The following RPS6KA2 variants were observed in gnomAD, a reference collection of about 807,000 sequenced individuals.
RPS6KA2 encodes the protein ribosomal protein S6 kinase alpha-2.
RPS6KA2 carries 42 observed loss-of-function variants against 91.8 expected under a neutral mutation model. The observed-to-expected ratio is 0.46, with a 90% CI of 0.36 to 0.59. RPS6KA2 has a LOEUF of 0.59. Among genes scored for constraint, RPS6KA2 ranks in the 20% least tolerant of loss-of-function variants. RPS6KA2 has a pLI of 0.00. For missense variants in RPS6KA2, 798 were observed against 978.5 expected (o/e 0.82, Z 2.46); for synonymous variants, 414 against 393.6 (o/e 1.05, Z -0.61).
chr6:166,763,763 C>T (rs1210268898), intron 2 of RPS6KA2, among the ~76,000 whole-genome samples: 2 of 152,152 alleles, frequency 1.3e-5, no homozygotes, highest in African/African-American at 4.8e-5. Context: ...CTTGTTAGTT[C>T]GCTGTTACAG....
intron 2 of RPS6KA2, among the ~76,000 whole-genome samples, chr6:166,812,769 T>A (rs1170772728): frequency 7.9e-5 from 12 of 152,208 alleles, no homozygotes; most frequent in Admixed American, 7.8e-4. Context: ...CATGAGAAGA[T>A]CAATTTAGCA....
intron 1 of RPS6KA2, among the ~76,000 whole-genome samples, chr6:166,581,570 C>T (rs1484585454): frequency 1.3e-5 from 2 of 152,134 alleles, no homozygotes; most frequent in Non-Finnish European, 2.9e-5. Context: ...AGGCCGGCTT[C>T]GAGTATGCGG....
intron 2 of RPS6KA2, among the ~76,000 whole-genome samples, chr6:166,716,273 T>C (rs923610528): frequency 3.9e-5 from 6 of 152,018 alleles, no homozygotes; most frequent in Non-Finnish European, 8.8e-5. Context: ...ATATTGAACA[T>C]GGAAATAAAT....
intron 2 of RPS6KA2, among the ~76,000 whole-genome samples, chr6:166,661,315 G>T (rs527972379): frequency 2.6e-5 from 4 of 152,252 alleles, no homozygotes; most frequent in Admixed American, 6.5e-5. Flanking sequence ...GGCCAGGCTG[G>T]TCTCAAACTC....
chr6:166,449,139 G>C (rs996619126), intron 13 of RPS6KA2, among the ~76,000 whole-genome samples: 3 of 152,202 alleles, frequency 2.0e-5, no homozygotes, highest in African/African-American at 7.2e-5. Flanking sequence ...GAGAGCAGGA[G>C]AATGTGAAAG....
upstream of RPS6KA2, chr6:166,862,741 AGCACGC>A (rs1781084048): frequency 2.2e-5 from 1 of 44,566 alleles, no homozygotes; most frequent in South Asian, 5.5e-4. Context: ...CCCCACCCCC[AGCACGC>A]GCACACCCTT....
intron 2 of RPS6KA2, among the ~76,000 whole-genome samples, chr6:166,740,958 C>A (rs1790794015): frequency 6.6e-6 from 1 of 152,204 alleles, no homozygotes; most frequent in Admixed American, 6.5e-5. Context: ...TTGGCAGTAC[C>A]AACTGGAAAT....
Position 166,585,987 on chromosome 6 carries a change from T to A in RPS6KA2, c.99+40934A>T, listed in dbSNP as rs1338808458. The A allele has an allele frequency of 2.5e-5, 12 of 473,750 alleles. 1 individual carries two copies. The African/African-American group carries it at 4.6e-4, about 18-fold the overall frequency. The allele number at this position is 473,750 out of a possible 1,614,324, so 29.3% of individuals were successfully genotyped here. A position where few individuals can be genotyped will look rare whatever the true frequency, so the allele number is the denominator to read the frequency against. Reference sequence around the variant, plus strand: ...TTTCGCAAGTAAGATCTATTTTTTTTAAAGTCTCAACTTCCAAAAAATCAA... The same window carrying A: ...TTTCGCAAGTAAGATCTATTTTTTTAAAAGTCTCAACTTCCAAAAAATCAA... On this transcript the variant is annotated intron_variant, in intron 1 of 20. Coordinates refer to ENST00000265678, the MANE Select transcript of RPS6KA2 (RefSeq NM_021135.6).
chr6:166,443,207 A>G (rs1779573778), intron 14 of RPS6KA2, among the ~76,000 whole-genome samples: 4 of 152,190 alleles, frequency 2.6e-5, no homozygotes, highest in Admixed American at 2.6e-4. Context: ...ATGGGACTGT[A>G]TTTATGGATA....
intron 2 of RPS6KA2, among the ~76,000 whole-genome samples, chr6:166,672,610 A>C (rs925177108): frequency 2.0e-5 from 3 of 152,224 alleles, no homozygotes; most frequent in African/African-American, 7.2e-5. Flanking sequence ...CAAAATAGTA[A>C]GAAAAAAATG....
chr6:166,787,975 CAA>C (rs3066794), intron 2 of RPS6KA2, among the ~76,000 whole-genome samples: 5,518 of 78,876 alleles, frequency 0.07, 357 homozygotes, highest in African/African-American at 0.22. Flanking sequence ...AACAAATTTA[CAA>C]AAAAAAAAAA....
intron 6 of RPS6KA2, among the ~76,000 whole-genome samples, chr6:166,501,928 C>T (rs1357688151): frequency 3.3e-5 from 5 of 152,084 alleles, no homozygotes; most frequent in South Asian, 2.1e-4. Context: ...CAGAGGAGCC[C>T]GGAGGACATT....
intron 2 of RPS6KA2, chr6:166,702,016 T>C (rs1789536538): frequency 1.9e-6 from 2 of 1,048,448 alleles, no homozygotes; most frequent in South Asian, 1.3e-5. Flanking sequence ...CTGTGAATTT[T>C]ACATCTTGAG....
chr6:166,750,028 G>C (rs185434304), intron 2 of RPS6KA2, among the ~76,000 whole-genome samples: 1 of 152,074 alleles, frequency 6.6e-6, no homozygotes, highest in Admixed American at 6.5e-5. Flanking sequence ...AGCCCGGCTT[G>C]AGTCAGCGGG....
intron 2 of RPS6KA2, among the ~76,000 whole-genome samples, chr6:166,703,738 C>A (rs1265107815): frequency 6.6e-6 from 1 of 152,212 alleles, no homozygotes; most frequent in East Asian, 1.9e-4. Flanking sequence ...TAGAAGAATG[C>A]AAGGCTGCAC....
intron 1 of RPS6KA2, among the ~76,000 whole-genome samples, chr6:166,585,093 T>C (rs376843281): frequency 3.9e-5 from 6 of 152,186 alleles, no homozygotes; most frequent in Admixed American, 1.3e-4. Flanking sequence ...GCTACAACGA[T>C]GTGGGGTGCA....
intron 2 of RPS6KA2, among the ~76,000 whole-genome samples, chr6:166,667,026 C>T (rs1344453140): frequency 2.6e-5 from 4 of 152,242 alleles, no homozygotes; most frequent in Admixed American, 6.5e-5. Context: ...ATTCCGCTTA[C>T]GTGAGGTACC....
chr6:166,466,355 T>C (rs975994452), intron 11 of RPS6KA2, among the ~76,000 whole-genome samples: 1 of 152,206 alleles, frequency 6.6e-6, no homozygotes, highest in Non-Finnish European at 1.5e-5. Flanking sequence ...TCCAAATCCA[T>C]CGTATTGTTA....
intron 2 of RPS6KA2, among the ~76,000 whole-genome samples, chr6:166,687,301 A>T (rs1371397670): frequency 6.6e-6 from 1 of 152,130 alleles, no homozygotes; most frequent in Non-Finnish European, 1.5e-5. Context: ...CCAAATTTCA[A>T]ATGAGGAACA....
Sources: gnomAD v4.1 joint callset for allele counts (sites outside exome capture counted in the v4.1 genomes callset) on GRCh38, gnomAD v4.1.1 for gene constraint, MANE v1.5 for transcripts, NCBI Gene and HGNC (gene_info 2026-07-23, HGNC 2026-07-21) for gene names.